The following FSTL5 variants were observed in gnomAD, a reference collection of about 807,000 sequenced individuals.
FSTL5 encodes follistatin-related protein 5.
Under a neutral mutation model 89.1 loss-of-function variants are expected in FSTL5, and 62 were observed. The observed-to-expected ratio is 0.70, with a 90% confidence interval of 0.57 to 0.86. FSTL5 has a LOEUF of 0.86. FSTL5 is among the 40% of genes least tolerant of loss of function. The pLI is 0.00. For synonymous variants in FSTL5, 383 were observed against 346.2 expected (o/e 1.11, Z -1.18); for missense variants, 1,057 against 1,001.6 (o/e 1.06, Z -0.75).
chr4:161,635,479 CT>C (rs1735655479), intron 7 of FSTL5, among the ~76,000 whole-genome samples: 1 of 100,666 alleles, frequency 9.9e-6, no homozygotes, highest in Non-Finnish European at 1.9e-5. Flanking sequence ...GGAGTTGTTT[CT>C]TGTTACAAAT....
At chr4:162,113,401 C>G (rs934843245) in intron 1 of FSTL5, among the ~76,000 whole-genome samples, 3 of 152,130 alleles carry the variant, frequency 2.0e-5, no homozygotes, top group African/African-American at 7.2e-5. Flanking sequence ...TGCAAGCTGT[C>G]AAGACGCTTC....
intron 8 of FSTL5, among the ~76,000 whole-genome samples, chr4:161,567,028 G>A (rs1171755567): frequency 6.6e-6 from 1 of 152,100 alleles, no homozygotes; most frequent in South Asian, 2.1e-4. Flanking sequence ...TGTATTACAT[G>A]ATACAATAAA....
intron 3 of FSTL5, among the ~76,000 whole-genome samples, chr4:161,984,839 G>C (rs1339055835): frequency 6.6e-6 from 1 of 152,038 alleles, no homozygotes; most frequent in South Asian, 2.1e-4. Flanking sequence ...GATCAGAATA[G>C]TTTTTTAAAA....
At chr4:162,075,854 T>C (rs1729817338) in intron 2 of FSTL5, among the ~76,000 whole-genome samples, 1 of 151,792 alleles carries the variant, frequency 6.6e-6, no homozygotes, top group Non-Finnish European at 1.5e-5. Flanking sequence ...GTCAGTTGAG[T>C]CATTCTGGAA....
chr4:162,111,552 G>A, intron 1 of FSTL5, 140 bp from the exon 2 acceptor site: 1 of 549,946 alleles, frequency 1.8e-6, no homozygotes, highest in Non-Finnish European at 3.1e-6. Flanking sequence ...GAAATGAGAA[G>A]TGAGTATCTC....
intron 6 of FSTL5, among the ~76,000 whole-genome samples, chr4:161,706,644 T>A (rs537150857): frequency 6.6e-6 from 1 of 152,162 alleles, no homozygotes; most frequent in African/African-American, 2.4e-5. Context: ...TGTATGTCAC[T>A]TGAATATTTT....
intron 15 of FSTL5, among the ~76,000 whole-genome samples, chr4:161,435,297 C>A (rs954891975): frequency 6.6e-6 from 1 of 151,956 alleles, no homozygotes; most frequent in Non-Finnish European, 1.5e-5. Flanking sequence ...GAGGTCATTA[C>A]GTTAAGTGAA....
At chr4:161,675,310 ACAT>A (rs1287417180) in intron 6 of FSTL5, among the ~76,000 whole-genome samples, 3 of 151,858 alleles carry the variant, frequency 2.0e-5, no homozygotes, top group African/African-American at 4.8e-5. Flanking sequence ...AAAAACTGTA[ACAT>A]CATATTTTCT....
intron 3 of FSTL5, among the ~76,000 whole-genome samples, chr4:161,955,348 A>G (rs1157829866): frequency 1.3e-5 from 2 of 151,702 alleles, no homozygotes; most frequent in Non-Finnish European, 3.0e-5. Context: ...ACCTTAAGGT[A>G]ACAAAAAAGC....
chr4:161,685,216 G>T (rs1462144215), intron 6 of FSTL5, among the ~76,000 whole-genome samples: 2 of 152,074 alleles, frequency 1.3e-5, no homozygotes, highest in Admixed American at 1.3e-4. Flanking sequence ...GTTTAGTCTT[G>T]CTTTGTTTAT....
chr4:161,469,889 G>A (rs1733877029), intron 13 of FSTL5, among the ~76,000 whole-genome samples: 2 of 152,064 alleles, frequency 1.3e-5, no homozygotes, highest in South Asian at 2.1e-4. Flanking sequence ...TGATCCACCC[G>A]CCTCAGCCTC....
intron 4 of FSTL5, among the ~76,000 whole-genome samples, chr4:161,815,516 C>G (rs181952269): frequency 6.7e-4 from 102 of 152,154 alleles, no homozygotes; most frequent in Admixed American, 2.2e-3. Context: ...CAAATACAGA[C>G]AGCCTTAATT....
chr4:162,150,084 T>C (rs1733168433), intron 1 of FSTL5, among the ~76,000 whole-genome samples: 1 of 152,170 alleles, frequency 6.6e-6, no homozygotes, highest in South Asian at 2.1e-4. Flanking sequence ...CAGAATAATA[T>C]ATTTTGTTTG....
At chr4:161,901,331 T>C (rs1342398191) in intron 4 of FSTL5, among the ~76,000 whole-genome samples, 1 of 152,158 alleles carries the variant, frequency 6.6e-6, no homozygotes, top group Non-Finnish European at 1.5e-5. Context: ...ATGGACCATC[T>C]ACAGACAGCA....
At chr4:161,881,846 C>CT (rs1211796598) in intron 4 of FSTL5, among the ~76,000 whole-genome samples, 3 of 152,194 alleles carry the variant, frequency 2.0e-5, no homozygotes, top group Non-Finnish European at 4.4e-5. Context: ...CCTTAAAAGA[C>CT]TTTTTTCTCT....
At chr4:161,643,122 A>G (rs115248919) in intron 7 of FSTL5, among the ~76,000 whole-genome samples, 237 of 152,300 alleles carry the variant, frequency 1.6e-3, no homozygotes, top group African/African-American at 5.2e-3. Context: ...GTATTCATTA[A>G]GTGCTATTAT....
intron 12 of FSTL5, among the ~76,000 whole-genome samples, chr4:161,491,707 G>A (rs956654464): frequency 1.3e-5 from 2 of 152,064 alleles, no homozygotes; most frequent in Non-Finnish European, 2.9e-5. Flanking sequence ...TGGGCGTGGT[G>A]GCACGCCCTT....
intron 4 of FSTL5, among the ~76,000 whole-genome samples, chr4:161,918,016 A>G (rs1733887723): frequency 6.6e-6 from 1 of 152,176 alleles, no homozygotes; most frequent in Admixed American, 6.6e-5. Flanking sequence ...AATGAATATA[A>G]GGTTTTGCAG....
rs1034821469 is a variant in FSTL5 at position 161,623,504 on chromosome 4, T to C, written c.894+32824A>G. Among the ~76,000 whole-genome samples the C allele has an allele frequency of 3.9e-5, 6 of 151,998 alleles. 1 individual carries two copies. In the East Asian group the frequency reaches 9.6e-4, roughly 24 times the overall value. On this transcript the variant is annotated intron_variant, in intron 7 of 15. Coordinates refer to ENST00000306100, the MANE Select transcript of FSTL5 (RefSeq NM_020116.5). Reference sequence around the variant, plus strand: ...ATATTATTTACAATTTTCATATTGGTTAAATAATTTTCCTGTTTGTTAAAA... The same window carrying C: ...ATATTATTTACAATTTTCATATTGGCTAAATAATTTTCCTGTTTGTTAAAA...
Sources: allele counts gnomAD v4.1 joint callset (sites outside exome capture counted in the v4.1 genomes callset), GRCh38; gene constraint gnomAD v4.1.1; transcripts MANE v1.5; gene names NCBI Gene and HGNC (gene_info 2026-07-23, HGNC 2026-07-21).